Variants in ANK1 observed in about 807,000 individuals in gnomAD.
The protein encoded by ANK1 is ankyrin-1.
ANK1 carries 51 observed loss-of-function variants against 210.4 expected under a neutral mutation model. The observed-to-expected ratio is 0.24, with a 90% CI of 0.19 to 0.31. The LOEUF (loss-of-function observed/expected upper bound fraction) is 0.31, where lower values mean the gene tolerates loss of function less well. Ranked by LOEUF, ANK1 falls within the 10% of genes least tolerant of loss-of-function variation. The pLI, the probability that ANK1 is intolerant of heterozygous loss-of-function variation, is 1.00. For synonymous variants in ANK1, 967 were observed against 1,025.9 expected (o/e 0.94, Z 1.10); for missense variants, 2,051 against 2,504.4 (o/e 0.82, Z 3.86).
At chr8:41,706,095 T>G (rs1159125571) in intron 18 of ANK1, 48 bp downstream of exon 18, 4 of 1,547,694 alleles carry the variant, frequency 2.6e-6, no homozygotes, top group Non-Finnish European at 3.6e-6. Context: ...AATTCTGAAG[T>G]GTGAGCAAGG....
chr8:41,807,649 C>T (rs140405492), intron 1 of ANK1, among the ~76,000 whole-genome samples: 7 of 152,030 alleles, frequency 4.6e-5, no homozygotes, highest in Admixed American at 2.6e-4. Context: ...TGAGGCCGGG[C>T]GGTATCACAT....
At chr8:41,773,164 G>A (rs1392565436) in intron 1 of ANK1, among the ~76,000 whole-genome samples, 1 of 152,102 alleles carries the variant, frequency 6.6e-6, no homozygotes, top group Non-Finnish European at 1.5e-5. Context: ...TGTAGGGAGT[G>A]CCCAGTGGTC....
intron 1 of ANK1, among the ~76,000 whole-genome samples, chr8:41,872,208 A>G (rs1399663263): frequency 2.0e-5 from 3 of 152,198 alleles, no homozygotes; most frequent in Non-Finnish European, 2.9e-5. Flanking sequence ...GACCCCCTGT[A>G]GGCCTCAGCT....
chr8:41,700,520 T>C (rs1030709542), intron 22 of ANK1: 42 of 1,501,012 alleles, frequency 2.8e-5, no homozygotes, highest in Non-Finnish European at 3.4e-5. Context: ...GCGAGAGGCA[T>C]ATATTATCCA....
rs143598160 is a variant in ANK1, at chr8:41,719,910, A to G, written c.910-52T>C. On this transcript the variant is annotated intron_variant, in intron 9 of 42. Transcript: ENST00000289734. ...TCACAAAGTCTTCTGGGGACCGAGC[A>G]TGGAGATTCAGGACGATTCCAACGT... 1.4e-4 allele frequency: 227 copies of G among 1,592,012 alleles called. No individual in the cohort carries two copies. The African/African-American group carries it at 2.9e-3, about 20-fold the overall frequency.
At position 41,778,622 on chromosome 8, in the gene ANK1, A is replaced by C. The variant is rs548273317; in HGVS notation, c.27+18890T>G. On this transcript the variant is annotated intron_variant, in intron 1 of 42. Transcript: ENST00000289734. ...GAAAATTAAAACATGTATGTTAGAC[A>C]ACAACATAAATACGTCTATTGTAGG... Among the ~76,000 whole-genome samples the C allele has an allele frequency of 3.3e-5, 5 of 152,344 alleles. No homozygotes were observed. The South Asian group carries it at 8.3e-4, about 25-fold the overall frequency.
intron 16 of ANK1, among the ~76,000 whole-genome samples, chr8:41,709,830 G>A (rs1261952854): frequency 6.6e-6 from 1 of 152,198 alleles, no homozygotes; most frequent in Non-Finnish European, 1.5e-5. Flanking sequence ...TCAGGAAGCT[G>A]AGGTGGGAAG....
rs1466815553 is a variant in ANK1 at position 41,654,715 on chromosome 8, T to C, written c.*1075A>G. 6.5e-6 allele frequency: 1 copy of C among 152,686 alleles called. No homozygotes were observed. The highest frequency in any genetic ancestry group is 1.5e-5 in the Non-Finnish European group (1 of 68,036). The allele number at this position is 152,686 out of a possible 1,614,324, so 9.5% of individuals were successfully genotyped here. A position where few individuals can be genotyped will look rare whatever the true frequency, so the allele number is the denominator to read the frequency against. ...AATGTTTCTATTGGTTTGCATAGTA[T>C]TTATTGTTTTTCATATACACAAGGC... On this transcript the variant is annotated 3_prime_UTR_variant, in exon 43 of 43. Transcript: ENST00000289734.
chr8:41,693,897 C>A lies in ANK1; in HGVS notation c.3532+1G>T. 1 of 1,604,494 alleles carries A rather than the reference C, an allele frequency of 6.2e-7. No individual in the cohort carries two copies. Among genetic ancestry groups the A allele is most frequent in the Non-Finnish European group, 8.5e-7 (1 of 1,175,998 alleles). Reference sequence around the variant, plus strand: ...AGAAGCGAGGCAGGGGCCCCTCTCACCAATGACGCTGCAAAGCAGGCGCAG... The same window carrying A: ...AGAAGCGAGGCAGGGGCCCCTCTCAACAATGACGCTGCAAAGCAGGCGCAG... On this transcript the variant is annotated splice_donor_variant, in intron 29 of 42. Transcript: ENST00000289734. LOFTEE classifies it high-confidence loss of function.
Position 41,822,179 on chromosome 8 carries a change from AAAGAAAG to A in ANK1, c.127-64049_127-64043del, listed in dbSNP as rs1191009335. On this transcript the variant is annotated intron_variant, in intron 1 of 42. Transcript: ENST00000265709. ...GAAAGAAAGAAAGAAAGAAAGAAAG[AAAGAAAG>A]AAGGAAAGAAAGAAAAGAAAGAAAG... is the stretch of plus-strand genomic sequence containing the variant. 1.4e-3 allele frequency among the ~76,000 whole-genome samples: 216 copies of A among 150,100 alleles called. 3 individuals are homozygous for A. The highest frequency in any genetic ancestry group is 4.7e-3 in the East Asian group (24 of 5,134).
rs751917351 is a variant in ANK1 at position 41,715,818 on chromosome 8, C to A, written c.1436G>T (p.Arg479Leu). The A allele has an allele frequency of 4.3e-6, 7 of 1,614,174 alleles. No individual in the cohort carries two copies. Among genetic ancestry groups the A allele is most frequent in the Non-Finnish European group, 5.1e-6 (6 of 1,180,036 alleles). The change falls in exon 14 of 43, where the codon CGC (arginine) becomes CTC (leucine). Residue 479 changes from arginine to leucine, a missense_variant. This residue lies in a region of ANK1 where 1,413 missense variants were observed against 1,707.4 expected (regional missense o/e 0.83). Transcript: ENST00000289734. Reference sequence around the variant, plus strand: ...CTTCACCATGTTTGTGTGGCCGATGCGAGCTGCACAGTGAAGTGGGGTCTG... The same window carrying A: ...CTTCACCATGTTTGTGTGGCCGATGAGAGCTGCACAGTGAAGTGGGGTCTG... Reference protein sequence around the residue: ...DDQTPLHCAARIGHTNMVKLL... With the variant: ...DDQTPLHCAALIGHTNMVKLL...
intron 1 of ANK1, among the ~76,000 whole-genome samples, chr8:41,773,242 G>A (rs188901269): frequency 2.0e-5 from 3 of 152,136 alleles, no homozygotes; most frequent in African/African-American, 7.2e-5. Context: ...TCTATTTAGG[G>A]AGGTGATCAG....
chr8:41,896,405 C>G (rs771648793), exon 1 of ANK1: 2 of 1,603,570 alleles, frequency 1.2e-6, no homozygotes. Flanking sequence ...TTGGATTCCT[C>G]CTTCTCCTTC....
chr8:41,847,671 G>A (rs539507175), intron 1 of ANK1, among the ~76,000 whole-genome samples: 2 of 152,256 alleles, frequency 1.3e-5, no homozygotes, highest in Admixed American at 6.5e-5. Flanking sequence ...CTGCTCTAAC[G>A]TAGGAATATA....
intron 1 of ANK1, among the ~76,000 whole-genome samples, chr8:41,770,183 A>T (rs990064597): frequency 2.0e-5 from 3 of 151,968 alleles, no homozygotes; most frequent in Non-Finnish European, 4.4e-5. Context: ...GGATTTCTCC[A>T]TGTTGGTCAG....
At position 41,724,451 on chromosome 8, in the gene ANK1, G is replaced by T; in HGVS notation, c.711+5C>A. The T allele has an allele frequency of 6.4e-7, 1 of 1,570,164 alleles. No individual in the cohort carries two copies. Among genetic ancestry groups the T allele is most frequent in the Non-Finnish European group, 8.6e-7 (1 of 1,157,412 alleles). Reference sequence around the variant, plus strand: ...ACAGTGAGGGCGCACGTGCCCCAGGGTTACCTGTGGTGTGAAATTGACGCT... The same window carrying T: ...ACAGTGAGGGCGCACGTGCCCCAGGTTTACCTGTGGTGTGAAATTGACGCT... On this transcript the variant is annotated splice_donor_5th_base_variant and intron_variant, in intron 7 of 42. Coordinates refer to ENST00000289734, the MANE Select transcript of ANK1 (RefSeq NM_000037.4).
intron 16 of ANK1, among the ~76,000 whole-genome samples, chr8:41,712,386 T>G (rs1246384254): frequency 1.3e-5 from 2 of 152,230 alleles, no homozygotes; most frequent in African/African-American, 4.8e-5. Context: ...GCCCTGGACA[T>G]GGCTCAGGCT....
intron 1 of ANK1, among the ~76,000 whole-genome samples, chr8:41,841,844 A>G (rs983935806): frequency 3.9e-5 from 6 of 152,232 alleles, no homozygotes; most frequent in Non-Finnish European, 8.8e-5. Flanking sequence ...CCTAACTGGT[A>G]ACCACCTGTG....
At position 41,672,874 on chromosome 8, in the gene ANK1, A is replaced by T; in HGVS notation, c.4576T>A (p.Ser1526Thr). 3 of 1,607,304 alleles carry T rather than the reference A, an allele frequency of 1.9e-6. No individual in the cohort carries two copies. Among genetic ancestry groups the T allele is most frequent in the Non-Finnish European group, 2.5e-6 (3 of 1,179,962 alleles). The part of the protein sequence containing the change: ...SLQDELLSPA[S>T]LGCALSSPLR... Reference sequence around the variant, plus strand: ...GGAGAGGAAAGTGCACAGCCCAGGGAGGCAGGGGACAGCAGCTCGTCCTGC... The same window carrying T: ...GGAGAGGAAAGTGCACAGCCCAGGGTGGCAGGGGACAGCAGCTCGTCCTGC... The change falls in exon 38 of 43, where the codon TCC (serine) becomes ACC (threonine). Residue 1526 changes from serine to threonine, a missense_variant. By Grantham distance (58) the Ser-to-Thr change is moderately conservative. Transcript: ENST00000289734.
Sources: allele counts gnomAD v4.1 joint callset (sites outside exome capture counted in the v4.1 genomes callset), GRCh38; gene constraint gnomAD v4.1.1; regional missense constraint gnomAD v4.1.1; transcripts MANE v1.5; gene names NCBI Gene and HGNC (gene_info 2026-07-23, HGNC 2026-07-21).